The following PPP3R1 variants were observed in gnomAD, a reference collection of about 807,000 sequenced individuals.
The protein encoded by PPP3R1 is calcineurin subunit B type 1.
In PPP3R1, 5 loss-of-function variants were observed where a neutral mutation model predicts 22.6. That is an observed-to-expected ratio of 0.22 (90% confidence interval 0.12 to 0.46). The LOEUF (loss-of-function observed/expected upper bound fraction) is 0.46, where lower values mean the gene tolerates loss of function less well. Among genes scored for constraint, PPP3R1 ranks in the 20% least tolerant of loss-of-function variants. PPP3R1 has a pLI of 0.99. For synonymous variants in PPP3R1, 56 were observed against 65.2 expected, an observed-to-expected ratio of 0.86 and a Z score of 0.68; for missense variants, 61 against 203.2, an observed-to-expected ratio of 0.30 and a Z score of 4.25.
chr2:68,245,376 A>G (rs1198970109), intron 1 of PPP3R1, among the ~76,000 whole-genome samples: 1 of 152,194 alleles, frequency 6.6e-6, no homozygotes, highest in Non-Finnish European at 1.5e-5. Flanking sequence ...AAGAAAAAAA[A>G]ATTATTCAGT....
chr2:68,188,760 G>T (rs1262765581), intron 2 of PPP3R1, 70 bp from the exon 3 acceptor site: 3 of 1,380,746 alleles, frequency 2.2e-6, no homozygotes, highest in Non-Finnish European at 1.9e-6. Context: ...ATGGGCAGTA[G>T]CAAGATTTTA....
chr2:68,197,936 T>G (rs1234788202), intron 2 of PPP3R1, among the ~76,000 whole-genome samples: 1 of 151,516 alleles, frequency 6.6e-6, no homozygotes, highest in Non-Finnish European at 1.5e-5. Flanking sequence ...GTTTTATGTT[T>G]AAATCTATGA....
intron 5 of PPP3R1, among the ~76,000 whole-genome samples, chr2:68,184,083 A>G (rs950260772): frequency 7.9e-5 from 12 of 152,176 alleles, no homozygotes; most frequent in African/African-American, 2.9e-4. Flanking sequence ...TCTCTGCCTC[A>G]TGTTTCCCAG....
chr2:68,182,002 T>C (rs1426110819), intron 5 of PPP3R1, among the ~76,000 whole-genome samples: 1 of 151,318 alleles, frequency 6.6e-6, no homozygotes, highest in East Asian at 1.9e-4. Flanking sequence ...GTTTGATGAA[T>C]TTTCACAAAG....
At chr2:68,244,009 ATTTTAGATC>A (rs1670183467) in intron 1 of PPP3R1, among the ~76,000 whole-genome samples, 1 of 152,188 alleles carries the variant, frequency 6.6e-6, no homozygotes, top group Admixed American at 6.5e-5. Flanking sequence ...CTTACTTTCC[ATTTTAGATC>A]TTTCAATATC....
At chr2:68,230,298 TTC>T (rs1239323755) in intron 1 of PPP3R1, among the ~76,000 whole-genome samples, 6 of 152,134 alleles carry the variant, frequency 3.9e-5, no homozygotes, top group Non-Finnish European at 8.8e-5. Flanking sequence ...CGGCCTTCAT[TTC>T]TGTTTTCTTT....
At position 68,202,792 on chromosome 2, in the gene PPP3R1, A is replaced by ATTTTTTTTTTTTTTTTTTTTTTTTTT. The variant is rs71395958; in HGVS notation, c.44-14128_44-14103dup. On this transcript the variant is annotated intron_variant, in intron 2 of 5. Transcript: ENST00000234310. ...TAATATATACTAGAGAGTTCAGGGA[A>ATTTTTTTTTTTTTTTTTTTTTTTTTT]TTTTTTTTTTTTTTTTTTTTTTTTT... Among the ~76,000 whole-genome samples the ATTTTTTTTTTTTTTTTTTTTTTTTTT allele has an allele frequency of 3.7e-5, 3 of 81,228 alleles. 1 individual carries two copies. Among genetic ancestry groups the ATTTTTTTTTTTTTTTTTTTTTTTTTT allele is most frequent in the African/African-American group, 1.9e-4 (3 of 16,158 alleles). 53.3% of individuals were successfully genotyped at this position (81,228 alleles called of 152,430 possible).
At chr2:68,186,240 T>C (rs574104917) in intron 5 of PPP3R1, among the ~76,000 whole-genome samples, 2 of 152,340 alleles carry the variant, frequency 1.3e-5, no homozygotes, top group South Asian at 4.1e-4. Context: ...CTTAAGAGTA[T>C]AACCTAGTTG....
chr2:68,193,995 A>T (rs1558629341), intron 2 of PPP3R1, among the ~76,000 whole-genome samples: 2 of 152,158 alleles, frequency 1.3e-5, no homozygotes, highest in Non-Finnish European at 2.9e-5. Context: ...CTTGTGACTC[A>T]GAGATACTCT....
At chr2:68,251,790 G>A (rs1188765204) in intron 1 of PPP3R1, among the ~76,000 whole-genome samples, 6 of 151,138 alleles carry the variant, frequency 4.0e-5, no homozygotes, top group African/African-American at 1.5e-4. Context: ...GAGAAGGAGA[G>A]TGCGCCGGGC....
chr2:68,190,825 T>C (rs1381146958), intron 2 of PPP3R1, among the ~76,000 whole-genome samples: 1 of 152,236 alleles, frequency 6.6e-6, no homozygotes, highest in African/African-American at 2.4e-5. Context: ...TTTAGAAAAG[T>C]AGTTTCTACT....
chr2:68,233,618 AT>A (rs1669962004), intron 1 of PPP3R1, among the ~76,000 whole-genome samples: 1 of 152,174 alleles, frequency 6.6e-6, no homozygotes, highest in Non-Finnish European at 1.5e-5. Flanking sequence ...CCAAAGGTGT[AT>A]TTCCCAAATC....
At chr2:68,229,479 G>A (rs2103788942) in intron 1 of PPP3R1, among the ~76,000 whole-genome samples, 1 of 152,216 alleles carries the variant, frequency 6.6e-6, no homozygotes, top group East Asian at 1.9e-4. Context: ...ACCATTTATT[G>A]AGAAATAGGT....
rs1558626828 is a variant in PPP3R1, at chr2:68,186,697, CAAGT to C, written c.281-49_281-46del. The C allele has an allele frequency of 2.7e-6, 4 of 1,465,368 alleles. No individual in the cohort carries two copies. In the South Asian group the frequency reaches 4.9e-5, roughly 18 times the overall value. 90.8% of individuals were successfully genotyped at this position (1,465,368 alleles called of 1,614,324 possible). On this transcript the variant is annotated intron_variant, in intron 4 of 5. Coordinates refer to ENST00000234310, the MANE Select transcript of PPP3R1 (RefSeq NM_000945.4). ...ATCAATTCCAATTACAAAGCAATCA[CAAGT>C]AAATGCTTTCAGTAAGAAAGAAAAT...
Position 68,209,227 on chromosome 2 carries a change from C to T in PPP3R1, c.43+7865G>A, listed in dbSNP as rs563437819. 5.9e-3 allele frequency among the ~76,000 whole-genome samples: 870 copies of T among 147,852 alleles called. 5 individuals are homozygous for T. Among genetic ancestry groups the T allele is most frequent in the African/African-American group, 0.02 (802 of 40,294 alleles). On this transcript the variant is annotated intron_variant, in intron 2 of 5. Coordinates refer to ENST00000234310, the MANE Select transcript of PPP3R1 (RefSeq NM_000945.4). ...CAAAAAAATTAGCCGGGCGTAGTGG[C>T]GGGCGCCTGTAGTCCCAGCTACTTG...
chr2:68,238,813 G>A (rs977580857), intron 1 of PPP3R1, among the ~76,000 whole-genome samples: 2 of 151,936 alleles, frequency 1.3e-5, no homozygotes, highest in African/African-American at 2.4e-5. Flanking sequence ...GAAAAGACAC[G>A]TTTGCTATAT....
rs758806465 is a variant in PPP3R1 at position 68,232,257 on chromosome 2, GTGTGTGTGTA to G, written c.4-15136_4-15127del. Among the ~76,000 whole-genome samples the G allele has an allele frequency of 6.4e-3, 496 of 77,124 alleles. 12 individuals carry two copies. Among genetic ancestry groups the G allele is most frequent in the African/African-American group, 0.029 (423 of 14,492 alleles). The allele number at this position is 77,124 out of a possible 152,430, so 50.6% of individuals were successfully genotyped here. On this transcript the variant is annotated intron_variant, in intron 1 of 5. Coordinates refer to ENST00000234310, the MANE Select transcript of PPP3R1 (RefSeq NM_000945.4). ...TGTGTGTGTGTGTGTGTGTGTGTGTGTGTGTGTGTATATATATATACACACACACAAAAAT... is the reference window on the plus strand; with the variant it reads ...TGTGTGTGTGTGTGTGTGTGTGTGTGTATATATATACACACACACAAAAAT...
chr2:68,200,912 G>A (rs1674962538), intron 2 of PPP3R1, among the ~76,000 whole-genome samples: 1 of 152,044 alleles, frequency 6.6e-6, no homozygotes, highest in South Asian at 2.1e-4. Context: ...TCCACATTAT[G>A]GTTCAAATCA....
chr2:68,202,791 A>ATTTTT (rs1558632604), intron 2 of PPP3R1, among the ~76,000 whole-genome samples: 1 of 93,546 alleles, frequency 1.1e-5, no homozygotes, highest in African/African-American at 5.4e-5. Context: ...GAGTTCAGGG[A>ATTTTT]ATTTTTTTTT....
Sources: gnomAD v4.1 joint callset for allele counts (sites outside exome capture counted in the v4.1 genomes callset) on GRCh38, gnomAD v4.1.1 for gene constraint, MANE v1.5 for transcripts, NCBI Gene and HGNC (gene_info 2026-07-23, HGNC 2026-07-21) for gene names.